TRIM8: variants seen among roughly 807,000 people sequenced by gnomAD.
TRIM8 encodes the protein E3 ubiquitin-protein ligase TRIM8.
A neutral mutation model predicts 55.7 loss-of-function variants in TRIM8; 9 were observed. The ratio of observed to expected loss-of-function variants is 0.16; its 90% CI spans 0.10 to 0.28. The LOEUF (loss-of-function observed/expected upper bound fraction) is 0.28, where lower values mean the gene tolerates loss of function less well. Among genes scored for constraint, TRIM8 ranks in the 10% least tolerant of loss-of-function variants. TRIM8 has a pLI of 1.00. For missense variants in TRIM8, 556 were observed against 736.4 expected (o/e 0.76, Z 2.83); for synonymous variants, 335 against 333.3 (o/e 1.01, Z -0.06).
chr10:102,651,824 C>G (rs1438157798), intron 1 of TRIM8, among the ~76,000 whole-genome samples: 2 of 152,240 alleles, frequency 1.3e-5, no homozygotes, highest in African/African-American at 4.8e-5. Context: ...TGCCAGGCCT[C>G]TTGCCATTGT....
In TRIM8 at chr10:102,644,893, C is replaced by T; in HGVS notation, c.276C>T (p.Cys92=). 1.9e-6 allele frequency: 3 copies of T among 1,609,756 alleles called. No individual in the cohort carries two copies. The highest frequency in any genetic ancestry group is 8.5e-7 in the Non-Finnish European group (1 of 1,178,436). Residue 92 remains cysteine (C), a synonymous_variant, in exon 1 of 6, where the codon TGC becomes TGT. Transcript: ENST00000643721. ...AGAAGCCGCCGGCGGCGCTGCACTG[C>T]GTGTTCTGCCGCCGCGGCCCCCCGC... ...HVEKPPAALH[C]VFCRRGPPLP...
Position 102,656,748 on chromosome 10 carries a change from C to A in TRIM8, c.1050C>A (p.Gly350=). The change falls in exon 6 of 6, where the codon GGC becomes GGA. Residue 350 remains glycine (G), a splice_region_variant and synonymous_variant. Coordinates refer to ENST00000643721, the MANE Select transcript of TRIM8 (RefSeq NM_030912.3). The surrounding 1 kb of genome is among the most constrained non-coding windows in gnomAD (Gnocchi z 4.6). ...KEKQLRKMLE[G]PFSTPVPFLQ... is the part of the protein sequence containing the mutation. ...GACTTTTGCCCCAACTCTCCACAGG[C>A]CCCTTCAGCACGCCGGTGCCCTTCC... 6.6e-7 allele frequency: 1 copy of A among 1,511,154 alleles called. No individual in the cohort carries two copies. 93.6% of individuals were successfully genotyped at this position (1,511,154 alleles called of 1,614,324 possible).
intron 3 of TRIM8, 48 bp downstream of exon 3, chr10:102,655,361 C>A: frequency 1.3e-6 from 2 of 1,550,438 alleles, no homozygotes; most frequent in Non-Finnish European, 1.8e-6. Context: ...GGGCCATTTC[C>A]AAATTGAGAT....
rs2135983547 is a variant in TRIM8, at chr10:102,655,292, G to A, written c.879G>A (p.Thr293=). 1.2e-6 allele frequency: 2 copies of A among 1,603,174 alleles called. No individual in the cohort carries two copies. The highest frequency in any genetic ancestry group is 1.7e-6 in the Non-Finnish European group (2 of 1,177,278). ...LGSLQLLFDK[T]EDVSFMKNTK... is the part of the protein sequence containing the mutation. ...CCCTGCAGCTGCTCTTTGATAAGAC[G>A]GAGGATGTCAGCTTCATGAAGGTGG... The change falls in exon 3 of 6, where the codon ACG becomes ACA. Residue 293 remains threonine, a synonymous_variant. Coordinates refer to ENST00000643721, the MANE Select transcript of TRIM8 (RefSeq NM_030912.3).
chr10:102,656,467 G>C lies in TRIM8; in HGVS notation c.1048+82G>C, dbSNP rs1286664065. 5.0e-5 allele frequency: 76 copies of C among 1,531,118 alleles called. No homozygotes were observed. Among genetic ancestry groups the C allele is most frequent in the Non-Finnish European group, 6.3e-5 (72 of 1,135,216 alleles). 94.8% of individuals were successfully genotyped at this position (1,531,118 alleles called of 1,614,324 possible). ...GCCACAGCCTTCCCTCCAAGAGGCA[G>C]TGTGGCCCAGTCTGGGAGACCTGTC... On this transcript the variant is annotated intron_variant, in intron 5 of 5. Coordinates refer to ENST00000643721, the MANE Select transcript of TRIM8 (RefSeq NM_030912.3). This position sits in a 1 kb window ranked among gnomAD's most constrained non-coding sequence, Gnocchi z 4.6.
At position 102,644,603 on chromosome 10, in the gene TRIM8, C is replaced by G. The variant is rs770867500; in HGVS notation, c.-15C>G. On this transcript the variant is annotated 5_prime_UTR_variant, in exon 1 of 6. Transcript: ENST00000643721. ...AGTCGGGGAGGCCTGCCCCGGCCCCCTGCCCGCGGCCGCCATGGCGGAGAA... is the reference window on the plus strand; with the variant it reads ...AGTCGGGGAGGCCTGCCCCGGCCCCGTGCCCGCGGCCGCCATGGCGGAGAA... 2.8e-5 allele frequency: 45 copies of G among 1,609,140 alleles called. No individual in the cohort carries two copies. In the East Asian group the frequency reaches 9.4e-4, roughly 34 times the overall value.
In TRIM8 at chr10:102,656,102, A is replaced by G. The variant is rs1029965880; in HGVS notation, c.901-4A>G. The G allele has an allele frequency of 1.9e-6, 3 of 1,614,040 alleles. No homozygotes were observed. The highest frequency in any genetic ancestry group is 2.5e-6 in the Non-Finnish European group (3 of 1,179,998). On this transcript the variant is annotated splice_polypyrimidine_tract_variant and splice_region_variant and intron_variant, in intron 3 of 5. Transcript: ENST00000643721. This position sits in a 1 kb window ranked among gnomAD's most constrained non-coding sequence, Gnocchi z 4.6. ...CTGACTTGACTCTTTTCTCTCCCCA[A>G]CAGAACACCAAGTCTGTGAAAATCC...
At chr10:102,652,794 C>T (rs1056984315) in intron 1 of TRIM8, among the ~76,000 whole-genome samples, 1 of 147,230 alleles carries the variant, frequency 6.8e-6, no homozygotes, top group East Asian at 2.1e-4. Context: ...CATGAGGAAC[C>T]GATACTTAAC....
chr10:102,655,012 AAG>A lies in TRIM8; in HGVS notation c.667-65_667-64del, dbSNP rs755664593. ...TAGGGTTCTAGGATGTGAGAAGGGT[AAG>A]AGGGGGGGAAACCAAAGGTTTCCAG... is the stretch of plus-strand genomic sequence containing the variant. On this transcript the variant is annotated intron_variant, in intron 2 of 5. Coordinates refer to ENST00000643721, the MANE Select transcript of TRIM8 (RefSeq NM_030912.3). The A allele has an allele frequency of 1.2e-4, 190 of 1,549,252 alleles. 1 individual carries two copies. Among genetic ancestry groups the A allele is most frequent in the Admixed American group, 2.5e-4 (14 of 57,010 alleles).
rs1273784819 is a variant in TRIM8, at chr10:102,644,626, G to T, written c.9G>T (p.Glu3Asp). Residue 3 changes from glutamate to aspartate, a missense_variant, in exon 1 of 6, where the codon GAG (glutamate) becomes GAT (aspartate). By Grantham distance (45) the Glu-to-Asp change is conservative. Around this residue, in one of 2 missense-constraint regions of TRIM8, gnomAD observed 165 missense variants for 295.3 expected, o/e 0.56. Coordinates refer to ENST00000643721, the MANE Select transcript of TRIM8 (RefSeq NM_030912.3). MA[E>D]NWKNCFEEEL... ...CCCTGCCCGCGGCCGCCATGGCGGA[G>T]AATTGGAAGAACTGCTTCGAGGAGG... is the stretch of plus-strand genomic sequence containing the variant. The T allele has an allele frequency of 3.7e-6, 6 of 1,612,556 alleles. No homozygotes were observed. Among genetic ancestry groups the T allele is most frequent in the Non-Finnish European group, 5.1e-6 (6 of 1,179,720 alleles).
rs760338665 is a variant in TRIM8, at chr10:102,654,738, G to A, written c.656G>A (p.Arg219His). Residue 219 changes from arginine (R) to histidine (H), a missense_variant, in exon 2 of 6, where the codon CGC becomes CAC. Physicochemically the swap from Arg to His is conservative, Grantham distance 29. This residue lies in a region of TRIM8 where 391 missense variants were observed against 441.0 expected (regional missense o/e 0.89). Transcript: ENST00000643721. The part of the protein sequence containing the change: ...DQLYKLESDK[R>H]LVEEKVNQLK... ...CTGTACAAACTCGAGTCAGACAAGC[G>A]CCTGGTGGAGGTAGCTAAGCCCAAG... 16 of 1,613,938 alleles carry A rather than the reference G, an allele frequency of 9.9e-6. No homozygotes were observed. The highest frequency in any genetic ancestry group is 3.3e-5 in the Admixed American group (2 of 60,034).
chr10:102,656,834 A>G lies in TRIM8; in HGVS notation c.1136A>G (p.His379Arg), dbSNP rs777439499. 6.5e-7 allele frequency: 1 copy of G among 1,539,376 alleles called. No homozygotes were observed. Among genetic ancestry groups the G allele is most frequent in the African/African-American group, 1.4e-5 (1 of 72,472 alleles). ...VSSSGAEKRK[H>R]STAFPEASFL... is the part of the protein sequence containing the mutation. ...AGCTCTGGGGCGGAAAAGCGCAAGC[A>G]CTCAACGGCCTTCCCAGAGGCCAGT... Residue 379 changes from histidine (H) to arginine (R), a missense_variant, in exon 6 of 6, where the codon CAC (histidine) becomes CGC (arginine). This residue lies in a region of TRIM8 where 391 missense variants were observed against 441.0 expected (regional missense o/e 0.89). Transcript: ENST00000643721. This position sits in a 1 kb window ranked among gnomAD's most constrained non-coding sequence, Gnocchi z 4.6.
chr10:102,649,954 G>A (rs1370732295), intron 1 of TRIM8, among the ~76,000 whole-genome samples: 1 of 152,094 alleles, frequency 6.6e-6, no homozygotes, highest in Non-Finnish European at 1.5e-5. Context: ...TGAGAAGGGG[G>A]CTGGAGCCAG....
At chr10:102,654,591 G>GA in intron 1 of TRIM8, 62 bp from the exon 2 acceptor site, 1 of 1,283,334 alleles carries the variant, frequency 7.8e-7, no homozygotes, top group South Asian at 1.2e-5. Context: ...TGTGTAGAGG[G>GA]AAGCATGGGT....
intron 3 of TRIM8, 128 bp from the exon 4 acceptor site, chr10:102,655,978 C>G: frequency 7.2e-7 from 1 of 1,382,440 alleles, no homozygotes; most frequent in Non-Finnish European, 1.0e-6. Context: ...CTGCCACTTT[C>G]TGTCCAGAAT....
intron 1 of TRIM8, 90 bp downstream of exon 1, chr10:102,645,277 G>A: frequency 4.4e-6 from 6 of 1,354,692 alleles, no homozygotes; most frequent in Non-Finnish European, 4.8e-6. Context: ...CATCCCGACA[G>A]GCTGACTCTT....
In TRIM8 at chr10:102,644,869, G is replaced by A. The variant is rs929048099; in HGVS notation, c.252G>A (p.Glu84=). 3 of 1,611,830 alleles carry A rather than the reference G, an allele frequency of 1.9e-6. No homozygotes were observed. Among genetic ancestry groups the A allele is most frequent in the Non-Finnish European group, 2.5e-6 (3 of 1,179,452 alleles). Residue 84 remains glutamate (E), a synonymous_variant, in exon 1 of 6, where the codon GAG becomes GAA. Transcript: ENST00000643721. ...IVEKFNALHV[E]KPPAALHCVF... Reference sequence around the variant, plus strand: ...AGAAGTTCAATGCCCTGCACGTGGAGAAGCCGCCGGCGGCGCTGCACTGCG... The same window carrying A: ...AGAAGTTCAATGCCCTGCACGTGGAAAAGCCGCCGGCGGCGCTGCACTGCG...
chr10:102,657,337 C>A lies in TRIM8; in HGVS notation c.1639C>A (p.His547Asn). The A allele has an allele frequency of 6.3e-7, 1 of 1,586,814 alleles. No individual in the cohort carries two copies. Among genetic ancestry groups the A allele is most frequent in the Non-Finnish European group, 8.6e-7 (1 of 1,163,480 alleles). Residue 547 changes from histidine to asparagine, a missense_variant, in exon 6 of 6, where the codon CAC becomes AAC. Coordinates refer to ENST00000643721, the MANE Select transcript of TRIM8 (RefSeq NM_030912.3). ...GGTGTATGGGCAGCCGTCCACCAAA[C>A]ACTACGTGACGAGCTAACGCCACGC... is the stretch of plus-strand genomic sequence containing the variant. ...YRVYGQPSTKHYVTS is the reference protein window; with the variant it reads ...YRVYGQPSTKNYVTS
At chr10:102,654,461 T>C (rs1407492446) in intron 1 of TRIM8, 192 bp from the exon 2 acceptor site, 4 of 573,002 alleles carry the variant, frequency 7.0e-6, no homozygotes, top group African/African-American at 1.9e-5. Flanking sequence ...TAAATAAATA[T>C]GCATGGGAAG....
Sources: gnomAD v4.1 joint callset for allele counts (sites outside exome capture counted in the v4.1 genomes callset) on GRCh38, gnomAD v4.1.1 for gene constraint, gnomAD v4.1.1 regional missense constraint, Gnocchi (gnomAD v3.1) non-coding constraint, MANE v1.5 for transcripts, NCBI Gene and HGNC (gene_info 2026-07-23, HGNC 2026-07-21) for gene names.